LRP1B: variants seen among roughly 807,000 people sequenced by gnomAD.
The protein encoded by LRP1B is low-density lipoprotein receptor-related protein 1B.
LRP1B carries 217 observed loss-of-function variants against 556.6 expected under a neutral mutation model. That is an observed-to-expected ratio of 0.39 (90% CI 0.35 to 0.44). The LOEUF (loss-of-function observed/expected upper bound fraction) is 0.44. Among genes scored for constraint, LRP1B ranks in the 20% least tolerant of loss-of-function variants. The probability of loss-of-function intolerance (pLI) is 1.00; values close to 1 mark genes in which losing one functional copy is unlikely to be tolerated. For missense variants in LRP1B, 5,053 were observed against 5,620.8 expected (o/e 0.90, Z 3.23); for synonymous variants, 2,047 against 1,865.8 (o/e 1.10, Z -2.50).
At chr2:140,812,665 T>C (rs1229387876) in intron 32 of LRP1B, among the ~76,000 whole-genome samples, 1 of 151,914 alleles carries the variant, frequency 6.6e-6, no homozygotes, top group Non-Finnish European at 1.5e-5. Flanking sequence ...ATTTAGAATA[T>C]AGAATTAAAA....
At chr2:140,547,440 C>T (rs1231803989) in intron 43 of LRP1B, among the ~76,000 whole-genome samples, 1 of 152,050 alleles carries the variant, frequency 6.6e-6, no homozygotes, top group Non-Finnish European at 1.5e-5. Flanking sequence ...TGTGTGTGCA[C>T]AGAGGTGCTC....
chr2:141,596,308 T>C (rs1263016567), intron 2 of LRP1B, among the ~76,000 whole-genome samples: 3 of 151,976 alleles, frequency 2.0e-5, no homozygotes, highest in Non-Finnish European at 2.9e-5. Context: ...GTTTCTGAAA[T>C]AAATTACTTG....
intron 2 of LRP1B, among the ~76,000 whole-genome samples, chr2:141,777,424 AT>A (rs1046858974): frequency 5.3e-5 from 8 of 151,216 alleles, no homozygotes; most frequent in South Asian, 2.1e-4. Flanking sequence ...GTATTTCTTT[AT>A]TTTTTTTTGA....
chr2:140,423,536 T>A (rs1685536349), intron 66 of LRP1B, among the ~76,000 whole-genome samples: 1 of 151,988 alleles, frequency 6.6e-6, no homozygotes, highest in Non-Finnish European at 1.5e-5. Context: ...AATTATTTAT[T>A]CATCCAAATT....
intron 1 of LRP1B, among the ~76,000 whole-genome samples, chr2:142,066,624 T>C (rs887461992): frequency 6.6e-6 from 1 of 151,560 alleles, no homozygotes; most frequent in Non-Finnish European, 1.5e-5. Flanking sequence ...CCTACCACAC[T>C]CTTCATCTCC....
intron 89 of LRP1B, 99 bp from the exon 90 acceptor site, chr2:140,234,983 C>A: frequency 1.7e-6 from 1 of 599,412 alleles, no homozygotes; most frequent in Admixed American, 2.9e-5. Flanking sequence ...CATAAAAATA[C>A]CCTTTAGCCT....
At chr2:141,954,681 A>C (rs1442576310) in intron 1 of LRP1B, among the ~76,000 whole-genome samples, 1 of 152,048 alleles carries the variant, frequency 6.6e-6, no homozygotes, top group Non-Finnish European at 1.5e-5. Flanking sequence ...ATTTCCTCTT[A>C]ATATAAACTG....
At chr2:141,239,807 C>T (rs1297973358) in intron 5 of LRP1B, among the ~76,000 whole-genome samples, 1 of 151,872 alleles carries the variant, frequency 6.6e-6, no homozygotes, top group Non-Finnish European at 1.5e-5. Context: ...ATATGAAACT[C>T]ATTATCTAGT....
intron 2 of LRP1B, among the ~76,000 whole-genome samples, chr2:141,794,698 T>C (rs1243395932): frequency 6.6e-6 from 1 of 151,992 alleles, no homozygotes; most frequent in African/African-American, 2.4e-5. Context: ...TTTACACCTT[T>C]CCAGTAACTT....
chr2:141,687,379 C>A (rs922273559), intron 2 of LRP1B, among the ~76,000 whole-genome samples: 1 of 151,900 alleles, frequency 6.6e-6, no homozygotes, highest in Admixed American at 6.6e-5. Flanking sequence ...GCCAAATATT[C>A]TGACTTTAAA....
At chr2:141,067,081 C>G (rs1699500075) in intron 7 of LRP1B, among the ~76,000 whole-genome samples, 1 of 151,800 alleles carries the variant, frequency 6.6e-6, no homozygotes, top group Admixed American at 6.6e-5. Context: ...TTAGTGTTAT[C>G]CAAATAGCAT....
At chr2:141,141,722 A>G (rs1309025778) in intron 7 of LRP1B, among the ~76,000 whole-genome samples, 2 of 152,194 alleles carry the variant, frequency 1.3e-5, no homozygotes, top group Non-Finnish European at 2.9e-5. Flanking sequence ...AAACATGTAA[A>G]GAGAGAAAAT....
At chr2:141,952,365 C>T (rs35518025) in intron 1 of LRP1B, among the ~76,000 whole-genome samples, 56,516 of 151,838 alleles carry the variant, frequency 0.37, 11,476 homozygotes, top group Admixed American at 0.5. Flanking sequence ...GGGTATATAC[C>T]CAGTAATGGG....
rs145911859 is a variant in LRP1B, at chr2:140,923,097, C to T, written c.3187G>A (p.Asp1063Asn). Residue 1063 changes from aspartate to asparagine, a missense_variant, in exon 21 of 91, where the codon GAT (aspartate) becomes AAT (asparagine). By Grantham distance (23) the Asp-to-Asn change is conservative. This residue lies in a region of LRP1B where 3,619 missense variants were observed against 3,931.9 expected (regional missense o/e 0.92). Transcript: ENST00000389484. The stretch of plus-strand genomic sequence containing the variant: ...CACAAATCAGGAACGCAATTACCAT[C>T]AGGGTGGCACTGAAATTCATTTCCG... ...CNGNEFQCHP[D>N]GNCVPDLWRC... 228 of 1,612,510 alleles carry T rather than the reference C, an allele frequency of 1.4e-4. 1 individual carries two copies. The African/African-American group carries it at 2.8e-3, about 20-fold the overall frequency.
chr2:141,089,035 T>G (rs552204561), intron 7 of LRP1B, among the ~76,000 whole-genome samples: 1 of 152,164 alleles, frequency 6.6e-6, no homozygotes, highest in Non-Finnish European at 1.5e-5. Flanking sequence ...TCAGAGAAAA[T>G]GGAGTAACAT....
At position 141,078,390 on chromosome 2, in the gene LRP1B, C is replaced by T. The variant is rs529200611; in HGVS notation, c.1014-16117G>A. 4.6e-5 allele frequency among the ~76,000 whole-genome samples: 7 copies of T among 152,298 alleles called. No homozygotes were observed. The South Asian group carries it at 1.4e-3, about 32-fold the overall frequency. On this transcript the variant is annotated intron_variant, in intron 7 of 90. Coordinates refer to ENST00000389484, the MANE Select transcript of LRP1B (RefSeq NM_018557.3). The stretch of plus-strand genomic sequence containing the variant: ...AGCTTCGTTGACATGGCAGAACCTT[C>T]CACCCCTGCCTCCTTCTCCTAGCTA...
At chr2:141,033,805 C>T (rs1359037513) in intron 11 of LRP1B, among the ~76,000 whole-genome samples, 2 of 152,154 alleles carry the variant, frequency 1.3e-5, no homozygotes, top group Non-Finnish European at 2.9e-5. Flanking sequence ...GTACCTCCTA[C>T]CTCTAGAACT....
chr2:141,930,774 G>A (rs1194140610), intron 1 of LRP1B, among the ~76,000 whole-genome samples: 1 of 151,972 alleles, frequency 6.6e-6, no homozygotes, highest in African/African-American at 2.4e-5. Context: ...AATTTTCAAG[G>A]CCAAACTCTC....
At chr2:140,573,120 A>G (rs921687151) in intron 43 of LRP1B, among the ~76,000 whole-genome samples, 1 of 151,714 alleles carries the variant, frequency 6.6e-6, no homozygotes, top group Admixed American at 6.6e-5. Flanking sequence ...TTTATTGAAT[A>G]TTTCCAAATA....
Sources: allele counts gnomAD v4.1 joint callset (sites outside exome capture counted in the v4.1 genomes callset), GRCh38; gene constraint gnomAD v4.1.1; regional missense constraint gnomAD v4.1.1; transcripts MANE v1.5; gene names NCBI Gene and HGNC (gene_info 2026-07-23, HGNC 2026-07-21).